Variants in VAV3 observed in about 807,000 individuals in gnomAD.
VAV3 encodes vav guanine nucleotide exchange factor 3.
VAV3 carries 94 observed loss-of-function variants against 131.2 expected under a neutral mutation model. The observed-to-expected ratio is 0.72, with a 90% CI of 0.61 to 0.85. VAV3 has a LOEUF of 0.85. VAV3 is among the 40% of genes least tolerant of loss of function. The probability of loss-of-function intolerance (pLI) is 0.00; values close to 1 mark genes in which losing one functional copy is unlikely to be tolerated. For missense variants in VAV3, 939 were observed against 1,002.7 expected (o/e 0.94, Z 0.86); for synonymous variants, 349 against 342.0 (o/e 1.02, Z -0.22).
At chr1:107,907,063 A>G (rs1031498892) in intron 1 of VAV3, among the ~76,000 whole-genome samples, 3 of 152,240 alleles carry the variant, frequency 2.0e-5, no homozygotes, top group African/African-American at 7.2e-5. Context: ...TTATATCTCC[A>G]CAACAACTTT....
At chr1:107,648,325 G>C (rs1269895291) in intron 19 of VAV3, among the ~76,000 whole-genome samples, 1 of 151,974 alleles carries the variant, frequency 6.6e-6, no homozygotes, top group Non-Finnish European at 1.5e-5. Flanking sequence ...AAGGATGAAA[G>C]ATATGATAAT....
At chr1:107,772,002 T>C (rs1242594538) in intron 5 of VAV3, among the ~76,000 whole-genome samples, 19 of 152,166 alleles carry the variant, frequency 1.2e-4, no homozygotes, top group Non-Finnish European at 2.2e-4. Flanking sequence ...AGTAGGAACA[T>C]AGAGAGAGCT....
Position 107,683,489 on chromosome 1 carries a change from T to C in VAV3, c.1776A>G (p.Pro592=). Residue 592 remains proline (P), a splice_region_variant and synonymous_variant, in exon 19 of 27, where the codon CCA becomes CCG. Coordinates refer to ENST00000370056, the MANE Select transcript of VAV3 (RefSeq NM_006113.5). ...GLRRTPKQVD[P]GLPKMQVIRN... The stretch of plus-strand genomic sequence containing the variant: ...TGGAAGGTTTAATCAGAAACACACC[T>C]GGATCCACCTGTTTAGGAGTTCTTC... The C allele has an allele frequency of 1.2e-6, 2 of 1,614,034 alleles. No homozygotes were observed. The highest frequency in any genetic ancestry group is 4.5e-5 in the East Asian group (2 of 44,868).
rs149666818 is a variant in VAV3 at position 107,883,272 on chromosome 1, T to A, written c.205-8255A>T. On this transcript the variant is annotated intron_variant, in intron 1 of 26. Transcript: ENST00000370056. Reference sequence around the variant, plus strand: ...TTTGCTCTGCAGCACCCGGCTCACATCTGTTATGGTAATAACTGTGCTTAA... The same window carrying A: ...TTTGCTCTGCAGCACCCGGCTCACAACTGTTATGGTAATAACTGTGCTTAA... Among the ~76,000 whole-genome samples the A allele has an allele frequency of 4.1e-3, 627 of 152,296 alleles. 5 individuals carry two copies. The highest frequency in any genetic ancestry group is 0.014 in the African/African-American group (589 of 41,558).
intron 15 of VAV3, among the ~76,000 whole-genome samples, chr1:107,746,448 C>T (rs980776026): frequency 6.6e-6 from 1 of 152,150 alleles, no homozygotes; most frequent in Non-Finnish European, 1.5e-5. Flanking sequence ...GGAAAACAAT[C>T]AAAGATTAAG....
intron 24 of VAV3, among the ~76,000 whole-genome samples, chr1:107,601,264 C>T (rs1406639507): frequency 1.3e-5 from 2 of 152,144 alleles, no homozygotes; most frequent in Admixed American, 6.5e-5. Flanking sequence ...CAGGACATGA[C>T]CTTGCTGCCC....
chr1:107,728,902 T>C (rs1431593921), intron 15 of VAV3, among the ~76,000 whole-genome samples: 1 of 152,192 alleles, frequency 6.6e-6, no homozygotes, highest in Non-Finnish European at 1.5e-5. Context: ...AGTTTTAAAT[T>C]CATTATTCCT....
chr1:107,579,226 C>T (rs1172238859), intron 25 of VAV3, among the ~76,000 whole-genome samples: 1 of 152,232 alleles, frequency 6.6e-6, no homozygotes. Flanking sequence ...TTTGGCCCCG[C>T]TGCTGTCTTC....
rs369032401 is a variant in VAV3, at chr1:107,718,050, C to T, written c.1503-12989G>A. ...TTGAAAGTCTGTTTCATTGATGGAA[C>T]GTATCTCAAAATAATAAGAGGTATT... On this transcript the variant is annotated intron_variant, in intron 15 of 26. Transcript: ENST00000370056. Among the ~76,000 whole-genome samples the T allele has an allele frequency of 9.2e-5, 14 of 152,000 alleles. No homozygotes were observed. The East Asian group carries it at 1.2e-3, about 13-fold the overall frequency.
intron 2 of VAV3, among the ~76,000 whole-genome samples, chr1:107,780,766 T>A (rs954338334): frequency 5.9e-5 from 9 of 152,186 alleles, no homozygotes; most frequent in Non-Finnish European, 1.0e-4. Flanking sequence ...CCCACCTGCC[T>A]TGGCCTCCCA....
chr1:107,679,047 T>C (rs897297547), intron 19 of VAV3, among the ~76,000 whole-genome samples: 1 of 152,172 alleles, frequency 6.6e-6, no homozygotes, highest in Non-Finnish European at 1.5e-5. Context: ...TTATAATTAA[T>C]GACAATCCTG....
intron 2 of VAV3, among the ~76,000 whole-genome samples, chr1:107,865,996 T>C (rs1272381460): frequency 1.3e-5 from 2 of 152,214 alleles, no homozygotes; most frequent in African/African-American, 4.8e-5. Context: ...TAGGCATGCA[T>C]ACAACATACT....
chr1:107,640,826 G>T (rs1465287168), intron 20 of VAV3, among the ~76,000 whole-genome samples: 1 of 151,942 alleles, frequency 6.6e-6, no homozygotes, highest in African/African-American at 2.4e-5. Context: ...TGTCTGGCAT[G>T]ACCAGACAAA....
chr1:107,947,118 C>T (rs1008686974), intron 1 of VAV3, among the ~76,000 whole-genome samples: 1 of 152,200 alleles, frequency 6.6e-6, no homozygotes, highest in African/African-American at 2.4e-5. Context: ...ATGCCACCCA[C>T]TGGTGATCAC....
At chr1:107,930,294 A>C (rs1217699439) in intron 1 of VAV3, among the ~76,000 whole-genome samples, 1 of 152,176 alleles carries the variant, frequency 6.6e-6, no homozygotes, top group Non-Finnish European at 1.5e-5. Context: ...GTAATCCATA[A>C]ATATGTATAC....
intron 20 of VAV3, among the ~76,000 whole-genome samples, chr1:107,628,388 C>A (rs1039396558): frequency 1.2e-4 from 18 of 152,290 alleles, no homozygotes; most frequent in African/African-American, 4.3e-4. Context: ...GAACATTCAT[C>A]ACCATTGTGT....
intron 12 of VAV3, among the ~76,000 whole-genome samples, chr1:107,752,809 G>T (rs1476465071): frequency 6.6e-6 from 1 of 152,202 alleles, no homozygotes; most frequent in East Asian, 1.9e-4. Flanking sequence ...GTGAGTGTTG[G>T]TAAGGATGTG....
chr1:107,677,208 C>A (rs1216329105), intron 19 of VAV3, among the ~76,000 whole-genome samples: 1 of 152,128 alleles, frequency 6.6e-6, no homozygotes, highest in Non-Finnish European at 1.5e-5. Context: ...GCTATTTCTA[C>A]ATAGAACTGT....
chr1:107,729,878 A>G lies in VAV3; in HGVS notation c.1502+19090T>C, dbSNP rs781176936. On this transcript the variant is annotated intron_variant, in intron 15 of 26. Transcript: ENST00000370056. ...TTTTTAGTCAAAAATTTTATTTTAG[A>G]GATCATTAATGTAGGGCACTGTGGC... 3.2e-4 allele frequency among the ~76,000 whole-genome samples: 49 copies of G among 152,220 alleles called. 1 individual carries two copies. Among genetic ancestry groups the G allele is most frequent in the Non-Finnish European group, 1.5e-4 (10 of 68,034 alleles).
Sources: allele counts gnomAD v4.1 joint callset (sites outside exome capture counted in the v4.1 genomes callset), GRCh38; gene constraint gnomAD v4.1.1; transcripts MANE v1.5; gene names NCBI Gene and HGNC (gene_info 2026-07-23, HGNC 2026-07-21).